Variants in BTBD16 observed in about 807,000 individuals in gnomAD.
The protein encoded by BTBD16 is BTB domain containing 16.
Under a neutral mutation model 67.4 loss-of-function variants are expected in BTBD16, and 66 were observed. The observed-to-expected ratio is 0.98, with a 90% CI of 0.80 to 1.20. BTBD16 has a LOEUF of 1.20. Among genes scored for constraint, BTBD16 ranks in the 50% most tolerant of loss-of-function variants. The probability of loss-of-function intolerance (pLI) is 0.00; values close to 1 mark genes in which losing one functional copy is unlikely to be tolerated. For synonymous variants in BTBD16, 242 were observed against 236.4 expected, an observed-to-expected ratio of 1.02 and a Z score of -0.22; for missense variants, 634 against 616.0, an observed-to-expected ratio of 1.03 and a Z score of -0.31.
chr10:122,335,063 A>G, intron 14 of BTBD16, 84 bp downstream of exon 14: 2 of 676,890 alleles, frequency 3.0e-6, no homozygotes, highest in South Asian at 2.0e-5. Flanking sequence ...ATAATAATTG[A>G]TTCATCATTA....
At chr10:122,337,798 T>A (rs182534859) in intron 15 of BTBD16, among the ~76,000 whole-genome samples, 1 of 152,254 alleles carries the variant, frequency 6.6e-6, no homozygotes, top group Admixed American at 6.5e-5. Context: ...TGAGAATTTA[T>A]CAAGCTGTCC....
intron 3 of BTBD16, among the ~76,000 whole-genome samples, chr10:122,281,658 T>A (rs7076349): frequency 1.3e-5 from 2 of 152,002 alleles, no homozygotes; most frequent in African/African-American, 4.8e-5. Context: ...AGGCATGTCC[T>A]TGCAAGTTAT....
rs556480019 is a variant in BTBD16, at chr10:122,280,491, A to T, written c.168-3360A>T. ...TTCTCCCTTTCTGCCCGCAATGCCA[A>T]GTCCATTCAAGGGTGGGAGGAGGTC... On this transcript the variant is annotated intron_variant, in intron 3 of 15. Transcript: ENST00000260723. Among the ~76,000 whole-genome samples, 19 of 152,224 alleles carry T rather than the reference A, an allele frequency of 1.2e-4. No individual in the cohort carries two copies. In the East Asian group the frequency reaches 3.5e-3, roughly 28 times the overall value.
At position 122,272,500 on chromosome 10, in the gene BTBD16, C is replaced by T. The variant is rs193101273; in HGVS notation, c.-43+986C>T. Among the ~76,000 whole-genome samples the T allele has an allele frequency of 1.3e-4, 20 of 152,262 alleles. No individual in the cohort carries two copies. In the East Asian group the frequency reaches 3.9e-3, roughly 29 times the overall value. Reference sequence around the variant, plus strand: ...GGGATTACAGGCATGCGCCACCACACCCAGCTAATTTTGTATTTTTAGTAG... The same window carrying T: ...GGGATTACAGGCATGCGCCACCACATCCAGCTAATTTTGTATTTTTAGTAG... On this transcript the variant is annotated intron_variant, in intron 1 of 15. Coordinates refer to ENST00000260723, the MANE Select transcript of BTBD16 (RefSeq NM_144587.5).
At chr10:122,331,523 CTCTT>C (rs2096455097) in intron 12 of BTBD16, among the ~76,000 whole-genome samples, 1 of 152,202 alleles carries the variant, frequency 6.6e-6, no homozygotes, top group East Asian at 1.9e-4. Flanking sequence ...GACCAAATAA[CTCTT>C]CCTCCAGTAA....
In BTBD16 at chr10:122,289,675, T is replaced by A. The variant is rs1283911736; in HGVS notation, c.386-234T>A. Among the ~76,000 whole-genome samples, 6 of 152,142 alleles carry A rather than the reference T, an allele frequency of 3.9e-5. No individual in the cohort carries two copies. The East Asian group carries it at 1.2e-3, about 29-fold the overall frequency. On this transcript the variant is annotated intron_variant, in intron 5 of 15. Coordinates refer to ENST00000260723, the MANE Select transcript of BTBD16 (RefSeq NM_144587.5). ...ATAGCTTGAACCCAGAAGGCAGAGG[T>A]TGCAGTGAGCCTAGACAGTGCCACT...
chr10:122,318,531 G>GT (rs2096430152), intron 10 of BTBD16, among the ~76,000 whole-genome samples: 1 of 152,116 alleles, frequency 6.6e-6, no homozygotes, highest in African/African-American at 2.4e-5. Context: ...AACAGTAGGT[G>GT]TATGTTTAAC....
chr10:122,310,773 G>A (rs979397852), intron 10 of BTBD16, among the ~76,000 whole-genome samples: 7 of 152,206 alleles, frequency 4.6e-5, no homozygotes, highest in Admixed American at 2.6e-4. Context: ...TGTTGAGGCC[G>A]TCACATTATG....
chr10:122,290,135 G>C, intron 6 of BTBD16, 137 bp downstream of exon 6: 1 of 586,540 alleles, frequency 1.7e-6, no homozygotes, highest in East Asian at 2.9e-5. Context: ...AAAAAGGCCC[G>C]AACGTGCAAA....
At chr10:122,325,855 T>C (rs1286961174) in intron 10 of BTBD16, among the ~76,000 whole-genome samples, 1 of 151,972 alleles carries the variant, frequency 6.6e-6, no homozygotes. Flanking sequence ...TTTGTATTTT[T>C]AGTAGAGATG....
intron 7 of BTBD16, among the ~76,000 whole-genome samples, chr10:122,294,860 G>T (rs565821593): frequency 2.6e-5 from 4 of 152,370 alleles, no homozygotes; most frequent in African/African-American, 9.6e-5. Flanking sequence ...GCCTCCTGGG[G>T]CACTCATTTC....
At chr10:122,328,120 A>T (rs537004237) in intron 10 of BTBD16, among the ~76,000 whole-genome samples, 1 of 152,278 alleles carries the variant, frequency 6.6e-6, no homozygotes, top group South Asian at 2.1e-4. Context: ...CCATGACATG[A>T]TGAAAAATAG....
At chr10:122,291,593 G>GA (rs752181723) in intron 7 of BTBD16, 11 of 158,178 alleles carry the variant, frequency 7.0e-5, no homozygotes, top group Non-Finnish European at 1.2e-4. Flanking sequence ...CACACACACA[G>GA]AAGCTGGCCA....
At chr10:122,311,816 A>G (rs1188695370) in intron 10 of BTBD16, among the ~76,000 whole-genome samples, 1 of 152,242 alleles carries the variant, frequency 6.6e-6, no homozygotes, top group Non-Finnish European at 1.5e-5. Flanking sequence ...CACCAAAAGT[A>G]AACAGTATCC....
At chr10:122,327,414 A>C (rs1374382567) in intron 10 of BTBD16, 1 of 172,960 alleles carries the variant, frequency 5.8e-6, no homozygotes, top group Non-Finnish European at 1.1e-5. Context: ...AGCTGGCCCA[A>C]GCCCTTCCCA....
chr10:122,308,297 A>C (rs1342706068), intron 10 of BTBD16, among the ~76,000 whole-genome samples: 1 of 151,878 alleles, frequency 6.6e-6, no homozygotes, highest in Non-Finnish European at 1.5e-5. Flanking sequence ...CTTTGCTTGC[A>C]CTCCTGAGCC....
chr10:122,297,749 T>C lies in BTBD16; in HGVS notation c.591-19T>C, dbSNP rs2096385987. The C allele has an allele frequency of 6.2e-6, 10 of 1,613,838 alleles. No homozygotes were observed. The highest frequency in any genetic ancestry group is 8.5e-6 in the Non-Finnish European group (10 of 1,179,844). Reference sequence around the variant, plus strand: ...AGCAGTGTGGGGTTCCTCCAGAAACTGCAGTTCTCTCTCTCCAGGTGCGTG... The same window carrying C: ...AGCAGTGTGGGGTTCCTCCAGAAACCGCAGTTCTCTCTCTCCAGGTGCGTG... On this transcript the variant is annotated intron_variant, in intron 7 of 15. Transcript: ENST00000260723.
chr10:122,329,334 AC>A, intron 10 of BTBD16, 145 bp from the exon 11 acceptor site: 1 of 657,044 alleles, frequency 1.5e-6, no homozygotes, highest in Non-Finnish European at 2.6e-6. Flanking sequence ...GCTTCCATGT[AC>A]CTGACCCCTC....
intron 15 of BTBD16, among the ~76,000 whole-genome samples, chr10:122,337,370 G>T (rs1246498005): frequency 6.6e-6 from 1 of 152,196 alleles, no homozygotes; most frequent in Non-Finnish European, 1.5e-5. Flanking sequence ...AATTTCCTTT[G>T]TGGGGGTGAG....
Sources: allele counts gnomAD v4.1 joint callset (sites outside exome capture counted in the v4.1 genomes callset), GRCh38; gene constraint gnomAD v4.1.1; transcripts MANE v1.5; gene names NCBI Gene and HGNC (gene_info 2026-07-23, HGNC 2026-07-21).